Variants in DMD observed in about 807,000 individuals in gnomAD.
DMD encodes dystrophin.
DMD carries 63 observed loss-of-function variants against 330.1 expected under a neutral mutation model. The ratio of observed to expected loss-of-function variants is 0.19; its 90% CI spans 0.16 to 0.24. DMD has a LOEUF of 0.24. Ranked by LOEUF, DMD falls within the 10% of genes least tolerant of loss-of-function variation. DMD has a pLI of 1.00. For synonymous variants in DMD, 1,223 were observed against 959.8 expected (o/e 1.27, Z -5.07); for missense variants, 3,344 against 2,684.1 (o/e 1.25, Z -5.43).
At chrX:31,217,339 G>A (rs1040389469) in intron 64 of DMD, among the ~76,000 whole-genome samples, 5 of 111,792 alleles carry the variant, frequency 4.5e-5, no homozygotes, top group Admixed American at 9.5e-5. Flanking sequence ...ATAGGCCAAC[G>A]GTGATGCTCT....
rs2032431756 is a variant in DMD at position 31,121,210 on chromosome X, C to CT, written c.*708dup. ...AATTCGTATCTCTTTATCTATATAA[C>CT]TATAGTATTTATATACTTATAGACA... On this transcript the variant is annotated 3_prime_UTR_variant, in exon 79 of 79. Coordinates refer to ENST00000357033, the MANE Select transcript of DMD (RefSeq NM_004006.3). The CT allele has an allele frequency of 9.0e-6, 1 of 111,694 alleles. No homozygotes were observed. Among genetic ancestry groups the CT allele is most frequent in the Non-Finnish European group, 1.9e-5 (1 of 53,144 alleles). The allele number at this position is 111,694 out of a possible 1,213,427, so 9.2% of individuals were successfully genotyped here.
At chrX:32,290,986 G>A (rs990978419) in intron 42 of DMD, among the ~76,000 whole-genome samples, 4 of 111,801 alleles carry the variant, frequency 3.6e-5, no homozygotes, top group Admixed American at 9.5e-5. Context: ...ACATATCTGA[G>A]TAGTAGAAGT....
chrX:31,343,555 GTAATTTCCAAA>G (rs2057884778), intron 61 of DMD, among the ~76,000 whole-genome samples: 2 of 108,914 alleles, frequency 1.8e-5, no homozygotes, highest in Non-Finnish European at 3.8e-5. Context: ...AGCTGGTAAT[GTAATTTCCAAA>G]TAATTTCCAA....
intron 62 of DMD, among the ~76,000 whole-genome samples, chrX:31,275,294 T>C (rs2052022046): frequency 9.0e-6 from 1 of 110,987 alleles, no homozygotes; most frequent in East Asian, 2.8e-4. Context: ...TACAGAGTTT[T>C]TATGTTAATA....
chrX:31,565,860 CTAA>C (rs1357847150), intron 55 of DMD, among the ~76,000 whole-genome samples: 1 of 112,134 alleles, frequency 8.9e-6, no homozygotes, highest in Admixed American at 9.5e-5. Flanking sequence ...TCTCTAATGG[CTAA>C]TGTTTTTGAT....
chrX:32,843,028 G>A (rs1490952755), intron 4 of DMD, among the ~76,000 whole-genome samples: 1 of 111,284 alleles, frequency 9.0e-6, no homozygotes, highest in African/African-American at 3.3e-5. Flanking sequence ...GGCTGGTCTC[G>A]AACTCCTGAC....
chrX:32,585,958 C>A (rs780460503), intron 13 of DMD, among the ~76,000 whole-genome samples: 2 of 109,845 alleles, frequency 1.8e-5, no homozygotes, highest in African/African-American at 3.3e-5. Flanking sequence ...TTACAACAGA[C>A]CGTGTATTAA....
chrX:31,397,685 G>C (rs2061003489), intron 60 of DMD, among the ~76,000 whole-genome samples: 1 of 112,533 alleles, frequency 8.9e-6, no homozygotes, highest in South Asian at 3.7e-4. Context: ...TGGAGAGAAA[G>C]CGAACAGGAG....
chrX:31,988,736 T>G (rs113518177), intron 44 of DMD, among the ~76,000 whole-genome samples: 6,879 of 109,779 alleles, frequency 0.063, 209 homozygotes, highest in Admixed American at 0.11. Flanking sequence ...TTAGAGAAAT[T>G]ATATTAGGGC....
chrX:33,131,238 G>C (rs12857548), intron 1 of DMD, among the ~76,000 whole-genome samples: 1 of 110,963 alleles, frequency 9.0e-6, no homozygotes, highest in South Asian at 3.8e-4. Flanking sequence ...ATCGGGTAGC[G>C]AGGCCCCTAG....
At chrX:32,456,257 C>A (rs966598747) in intron 25 of DMD, among the ~76,000 whole-genome samples, 1 of 110,468 alleles carries the variant, frequency 9.1e-6, no homozygotes, top group Non-Finnish European at 1.9e-5. Flanking sequence ...TCTTTACTTA[C>A]CTAGGTAAAT....
At chrX:31,365,998 A>G (rs2733461) in intron 60 of DMD, among the ~76,000 whole-genome samples, 4,556 of 112,371 alleles carry the variant, frequency 0.041, 82 homozygotes, top group Non-Finnish European at 0.067. Flanking sequence ...GGATGTTGCT[A>G]TTATCTAGCA....
At chrX:33,210,569 C>G (rs886639400) in intron 1 of DMD, among the ~76,000 whole-genome samples, 2 of 111,280 alleles carry the variant, frequency 1.8e-5, no homozygotes, top group African/African-American at 6.5e-5. Flanking sequence ...GACTTTACTA[C>G]TAAATATAAT....
intron 44 of DMD, among the ~76,000 whole-genome samples, chrX:32,104,121 A>G (rs1026962731): frequency 9.0e-6 from 1 of 111,447 alleles, no homozygotes; most frequent in African/African-American, 3.3e-5. Flanking sequence ...AGAAGAAATC[A>G]ATAATGATTA....
intron 7 of DMD, among the ~76,000 whole-genome samples, chrX:32,733,175 C>T (rs1454190679): frequency 9.1e-6 from 1 of 110,352 alleles, no homozygotes; most frequent in East Asian, 2.8e-4. Flanking sequence ...AAGGCCATTA[C>T]ATAATGGTAA....
Position 32,078,368 on chromosome X carries a change from C to T in DMD, c.6439-109854G>A, listed in dbSNP as rs138836528. 8.4e-4 allele frequency among the ~76,000 whole-genome samples: 94 copies of T among 112,120 alleles called. No homozygotes were observed. The East Asian group carries it at 0.024, about 28-fold the overall frequency. On this transcript the variant is annotated intron_variant, in intron 44 of 78. Coordinates refer to ENST00000357033, the MANE Select transcript of DMD (RefSeq NM_004006.3). ...GTCCAAGCCACTATCATCTCTCACA[C>T]GGACTACTCAATTAATGACTGGTCT...
chrX:32,123,243 A>ATATATATATATAT (rs1491535545), intron 44 of DMD, among the ~76,000 whole-genome samples: 118 of 82,798 alleles, frequency 1.4e-3, no homozygotes, highest in Non-Finnish European at 1.9e-3. Context: ...ATATATATAT[A>ATATATATATATAT]AATGATCAAA....
chrX:31,678,968 T>C (rs918280689), intron 53 of DMD, among the ~76,000 whole-genome samples: 2 of 112,114 alleles, frequency 1.8e-5, no homozygotes, highest in Non-Finnish European at 3.8e-5. Flanking sequence ...TGCTAACTCA[T>C]GCCTGTAATC....
At chrX:32,113,604 GA>G (rs1281460694) in intron 44 of DMD, among the ~76,000 whole-genome samples, 3 of 111,572 alleles carry the variant, frequency 2.7e-5, no homozygotes, top group African/African-American at 9.8e-5. Flanking sequence ...TTCTAAACCA[GA>G]AGAGTTCAGC....
Sources: gnomAD v4.1 joint callset for allele counts (sites outside exome capture counted in the v4.1 genomes callset) on GRCh38, gnomAD v4.1.1 for gene constraint, MANE v1.5 for transcripts, NCBI Gene and HGNC (gene_info 2026-07-23, HGNC 2026-07-21) for gene names.